CSMD2: variants seen among roughly 807,000 people sequenced by gnomAD.
CSMD2 encodes CUB and Sushi multiple domains 2, also known as CUB and sushi domain-containing protein 2.
CSMD2 carries 130 observed loss-of-function variants against 398.5 expected under a neutral mutation model. That is an observed-to-expected ratio of 0.33 (90% CI 0.28 to 0.38). The LOEUF (loss-of-function observed/expected upper bound fraction) is 0.38. Ranked by LOEUF, CSMD2 falls within the 10% of genes least tolerant of loss-of-function variation. CSMD2 has a pLI of 1.00. For synonymous variants in CSMD2, 1,828 were observed against 1,908.5 expected, an observed-to-expected ratio of 0.96 and a Z score of 1.10; for missense variants, 3,829 against 4,764.9, an observed-to-expected ratio of 0.80 and a Z score of 5.78.
chr1:33,803,370 T>C (rs1166916078), intron 10 of CSMD2, among the ~76,000 whole-genome samples: 3 of 152,190 alleles, frequency 2.0e-5, no homozygotes, highest in Non-Finnish European at 4.4e-5. Flanking sequence ...AGAGTTTCCA[T>C]CCAGTATATC....
intron 5 of CSMD2, among the ~76,000 whole-genome samples, chr1:33,907,493 G>A (rs1285956625): frequency 1.3e-5 from 2 of 152,104 alleles, no homozygotes; most frequent in Non-Finnish European, 2.9e-5. Context: ...TGGGAGTGAA[G>A]TAGGTAAGGA....
chr1:33,804,793 C>T (rs1288373802), intron 10 of CSMD2: 3 of 717,448 alleles, frequency 4.2e-6, no homozygotes, highest in Non-Finnish European at 2.6e-6. Context: ...CATCCATTGT[C>T]CTTGCTGTTT....
chr1:33,611,103 G>T lies in CSMD2; in HGVS notation c.6281C>A (p.Thr2094Asn). 1.2e-6 allele frequency: 2 copies of T among 1,614,110 alleles called. No homozygotes were observed. The highest frequency in any genetic ancestry group is 1.7e-6 in the Non-Finnish European group (2 of 1,180,034). ...PSSLLSTSHE[T>N]TVYFHSDHSQ... is the part of the protein sequence containing the mutation. ...GTGGTCGCTGTGGAAATACACGGTG[G>T]TCTCGTGGGACGTGGAGAGGAGGGA... Residue 2094 changes from threonine (T) to asparagine (N), a missense_variant, in exon 41 of 71, where the codon ACC becomes AAC. Around this residue, in one of 5 missense-constraint regions of CSMD2, gnomAD observed 2,001 missense variants for 2,567.1 expected, o/e 0.78. Transcript: ENST00000373381.
chr1:33,566,190 A>G (rs997017170), intron 53 of CSMD2, among the ~76,000 whole-genome samples: 3 of 151,958 alleles, frequency 2.0e-5, no homozygotes, highest in African/African-American at 7.2e-5. Context: ...ACCTGAATCT[A>G]TATATTCAAA....
intron 3 of CSMD2, among the ~76,000 whole-genome samples, chr1:33,977,334 G>C (rs773351219): frequency 1.3e-5 from 2 of 152,008 alleles, no homozygotes; most frequent in South Asian, 2.1e-4. Context: ...TGAATGTTCA[G>C]ATACCCTCCC....
chr1:33,741,813 G>A (rs1363388233), intron 14 of CSMD2, among the ~76,000 whole-genome samples: 1 of 152,204 alleles, frequency 6.6e-6, no homozygotes, highest in Non-Finnish European at 1.5e-5. Flanking sequence ...TTCCCACTCA[G>A]TGTCCACACA....
chr1:34,088,929 G>C, intron 2 of CSMD2, 48 bp downstream of exon 2: 1 of 1,482,680 alleles, frequency 6.7e-7, no homozygotes, highest in Non-Finnish European at 9.4e-7. Flanking sequence ...TAGTGAGCTT[G>C]GCTCATAGCC....
At chr1:33,689,258 C>T (rs1486107264) in intron 25 of CSMD2, among the ~76,000 whole-genome samples, 1 of 152,166 alleles carries the variant, frequency 6.6e-6, no homozygotes, top group Non-Finnish European at 1.5e-5. Flanking sequence ...CACTCTATCT[C>T]CATCTTTCTG....
intron 53 of CSMD2, 96 bp downstream of exon 53, chr1:33,567,497 T>TATATATATA: frequency 2.5e-6 from 2 of 811,870 alleles, no homozygotes; most frequent in Non-Finnish European, 3.6e-6. Context: ...ATATATATAT[T>TATATATATA]TAAAACAAAC....
rs117083675 is a variant in CSMD2 at position 33,585,577 on chromosome 1, T to C, written c.7051+927A>G. On this transcript the variant is annotated intron_variant, in intron 46 of 70. Transcript: ENST00000373381. Reference sequence around the variant, plus strand: ...AGGAAACTCGCTTAGCTTTGACATGTTCCTGATTTCACTAATCCGATGACC... The same window carrying C: ...AGGAAACTCGCTTAGCTTTGACATGCTCCTGATTTCACTAATCCGATGACC... Among the ~76,000 whole-genome samples, 170 of 152,328 alleles carry C rather than the reference T, an allele frequency of 1.1e-3. 3 individuals are homozygous for C. The East Asian group carries it at 0.019, about 17-fold the overall frequency.
At chr1:33,613,015 G>A (rs1355512753) in intron 40 of CSMD2, among the ~76,000 whole-genome samples, 1 of 152,326 alleles carries the variant, frequency 6.6e-6, no homozygotes, top group East Asian at 1.9e-4. Flanking sequence ...TTTAAGGATG[G>A]CGGAATTTCT....
chr1:33,808,292 A>G (rs1289560979), intron 10 of CSMD2, among the ~76,000 whole-genome samples: 3 of 152,136 alleles, frequency 2.0e-5, no homozygotes, highest in Non-Finnish European at 2.9e-5. Context: ...TGGACATATT[A>G]GAAAACAAAA....
chr1:33,536,464 C>T (rs976632387), intron 62 of CSMD2, among the ~76,000 whole-genome samples: 1 of 152,222 alleles, frequency 6.6e-6, no homozygotes, highest in Non-Finnish European at 1.5e-5. Context: ...ACCTCATGAT[C>T]CACCCGCCTT....
intron 41 of CSMD2, among the ~76,000 whole-genome samples, chr1:33,607,298 A>G (rs1278146309): frequency 1.3e-5 from 2 of 152,238 alleles, no homozygotes; most frequent in Non-Finnish European, 2.9e-5. Flanking sequence ...AGACCCTAGC[A>G]TGGGAAGTGC....
chr1:33,845,817 C>A (rs1661297066), intron 6 of CSMD2, among the ~76,000 whole-genome samples: 1 of 152,214 alleles, frequency 6.6e-6, no homozygotes, highest in Non-Finnish European at 1.5e-5. Flanking sequence ...GCTTTTATCC[C>A]AGTTTCCAGC....
intron 3 of CSMD2, among the ~76,000 whole-genome samples, chr1:34,009,060 C>T (rs1008334546): frequency 1.3e-5 from 2 of 152,120 alleles, no homozygotes; most frequent in African/African-American, 4.8e-5. Context: ...CAAACTCACC[C>T]ATCCTTAACC....
At chr1:33,746,390 G>A (rs1478322443) in intron 13 of CSMD2, among the ~76,000 whole-genome samples, 1 of 152,192 alleles carries the variant, frequency 6.6e-6, no homozygotes, top group African/African-American at 2.4e-5. Flanking sequence ...AGGGAAGATG[G>A]TCAGGGGCAC....
intron 5 of CSMD2, among the ~76,000 whole-genome samples, chr1:33,906,825 C>A (rs1643118301): frequency 6.6e-6 from 1 of 151,952 alleles, no homozygotes; most frequent in African/African-American, 2.4e-5. Context: ...ATCTTGAGAG[C>A]AGGTAAGACT....
At chr1:34,058,566 C>T (rs1334831504) in intron 2 of CSMD2, among the ~76,000 whole-genome samples, 1 of 152,202 alleles carries the variant, frequency 6.6e-6, no homozygotes, top group Non-Finnish European at 1.5e-5. Context: ...CAGAGGAAGT[C>T]TATATCTACC....
Sources: allele counts gnomAD v4.1 joint callset (sites outside exome capture counted in the v4.1 genomes callset), GRCh38; gene constraint gnomAD v4.1.1; regional missense constraint gnomAD v4.1.1; transcripts MANE v1.5; gene names NCBI Gene and HGNC (gene_info 2026-07-23, HGNC 2026-07-21).